PHACTR1: variants seen among roughly 807,000 people sequenced by gnomAD.
PHACTR1 encodes phosphatase and actin regulator 1, also known as RPEL repeat containing 1.
In PHACTR1, 16 loss-of-function variants were observed where a neutral mutation model predicts 69.2. The ratio of observed to expected loss-of-function variants is 0.23; its 90% confidence interval spans 0.16 to 0.35. The LOEUF (loss-of-function observed/expected upper bound fraction) is 0.35. PHACTR1 is among the 10% of genes least tolerant of loss of function. The pLI is 1.00. For synonymous variants in PHACTR1, 312 were observed against 284.5 expected (o/e 1.10, Z -0.97); for missense variants, 510 against 734.7 (o/e 0.69, Z 3.54).
intron 8 of PHACTR1, among the ~76,000 whole-genome samples, chr6:13,209,213 C>G (rs1002531407): frequency 1.3e-5 from 2 of 152,198 alleles, no homozygotes; most frequent in African/African-American, 4.8e-5. Flanking sequence ...ACAGGCCACA[C>G]TTTTCAGTGT....
intron 11 of PHACTR1, chr6:13,278,018 C>T: frequency 3.5e-6 from 1 of 289,674 alleles, no homozygotes; most frequent in Non-Finnish European, 6.7e-6. Flanking sequence ...TGCCTGGAGA[C>T]CTGAAACCCC....
At chr6:13,094,600 G>A (rs1813853160) in intron 5 of PHACTR1, among the ~76,000 whole-genome samples, 1 of 152,092 alleles carries the variant, frequency 6.6e-6, no homozygotes, top group Non-Finnish European at 1.5e-5. Flanking sequence ...CCCAGTGATA[G>A]AGTATCTTTC....
At chr6:12,983,541 T>A (rs1007290674) in intron 4 of PHACTR1, among the ~76,000 whole-genome samples, 1 of 152,090 alleles carries the variant, frequency 6.6e-6, no homozygotes, top group African/African-American at 2.4e-5. Context: ...ATTTATTTAT[T>A]TATTTATTTA....
chr6:12,833,321 C>T (rs1323681081), intron 4 of PHACTR1, among the ~76,000 whole-genome samples: 1 of 151,452 alleles, frequency 6.6e-6, no homozygotes, highest in Non-Finnish European at 1.5e-5. Context: ...TGCAGTGGTG[C>T]GATCTCAGCT....
chr6:12,949,455 T>C (rs941967144), intron 4 of PHACTR1, among the ~76,000 whole-genome samples: 18 of 152,166 alleles, frequency 1.2e-4, no homozygotes, highest in African/African-American at 4.1e-4. Context: ...TAAGTGCTCA[T>C]TGGGAGGGAA....
At chr6:13,248,979 A>G (rs1773969064) in intron 10 of PHACTR1, among the ~76,000 whole-genome samples, 1 of 152,210 alleles carries the variant, frequency 6.6e-6, no homozygotes, top group African/African-American at 2.4e-5. Context: ...ATGATGAAGA[A>G]CGAGAGGAGG....
chr6:12,891,286 A>G (rs1157170251), intron 4 of PHACTR1, among the ~76,000 whole-genome samples: 1 of 152,110 alleles, frequency 6.6e-6, no homozygotes, highest in Non-Finnish European at 1.5e-5. Flanking sequence ...AATTATGTTA[A>G]CATGCTAAAG....
At chr6:13,033,976 C>T (rs539090865) in intron 4 of PHACTR1, among the ~76,000 whole-genome samples, 15 of 152,050 alleles carry the variant, frequency 9.9e-5, no homozygotes, top group Non-Finnish European at 1.9e-4. Flanking sequence ...GAGTGTGTGT[C>T]CCACAATATT....
At chr6:12,927,638 C>T (rs905725107) in intron 4 of PHACTR1, among the ~76,000 whole-genome samples, 8 of 152,156 alleles carry the variant, frequency 5.3e-5, no homozygotes, top group African/African-American at 1.7e-4. Context: ...AATCTGGGCC[C>T]TTAAACACTA....
intron 4 of PHACTR1, among the ~76,000 whole-genome samples, chr6:12,981,260 C>CA (rs921941109): frequency 6.6e-6 from 1 of 151,962 alleles, no homozygotes; most frequent in African/African-American, 2.4e-5. Context: ...AAAAAGTAAT[C>CA]AAAAAAAGGA....
intron 6 of PHACTR1, among the ~76,000 whole-genome samples, chr6:13,167,878 G>GA (rs933219538): frequency 1.3e-5 from 2 of 152,072 alleles, no homozygotes; most frequent in African/African-American, 2.4e-5. Context: ...CATTCAAGAT[G>GA]AAAAAGCCCA....
chr6:13,221,066 T>A (rs1296955994), intron 8 of PHACTR1, among the ~76,000 whole-genome samples: 1 of 152,128 alleles, frequency 6.6e-6, no homozygotes, highest in Non-Finnish European at 1.5e-5. Context: ...CAGAAAAGGA[T>A]GCTCAAATGA....
In PHACTR1 at chr6:13,143,043, A is replaced by G. The variant is rs548346201; in HGVS notation, c.416-17161A>G. Among the ~76,000 whole-genome samples, 4 of 152,310 alleles carry G rather than the reference A, an allele frequency of 2.6e-5. No homozygotes were observed. In the East Asian group the frequency reaches 7.7e-4, roughly 29 times the overall value. On this transcript the variant is annotated intron_variant, in intron 5 of 14. Transcript: ENST00000332995. ...CCCAGCACAGAAAGACACACTTCAC[A>G]TGTTCTCACTTATTTTGGAGAGCTA...
intron 10 of PHACTR1, among the ~76,000 whole-genome samples, chr6:13,255,971 C>T (rs429935): frequency 0.075 from 11,461 of 152,302 alleles, 717 homozygotes; most frequent in Admixed American, 0.22. Flanking sequence ...GGGCTCCAAC[C>T]CCACATTTTC....
chr6:13,281,487 G>A, intron 12 of PHACTR1: 1 of 332,414 alleles, frequency 3.0e-6, no homozygotes, highest in Non-Finnish European at 6.3e-6. Context: ...CCAAGAGGCG[G>A]AGGTTGCAGT....
At chr6:13,019,803 C>A (rs1052107497) in intron 4 of PHACTR1, among the ~76,000 whole-genome samples, 2 of 152,162 alleles carry the variant, frequency 1.3e-5, no homozygotes, top group African/African-American at 4.8e-5. Context: ...GTGAAAGGAT[C>A]AGTACTTGTT....
At chr6:12,764,392 G>A (rs1768372089) in intron 4 of PHACTR1, among the ~76,000 whole-genome samples, 1 of 152,106 alleles carries the variant, frequency 6.6e-6, no homozygotes, top group Non-Finnish European at 1.5e-5. Context: ...TAGTCACAAT[G>A]AATCTTGAGC....
intron 4 of PHACTR1, among the ~76,000 whole-genome samples, chr6:12,775,734 G>A (rs1769981851): frequency 6.6e-6 from 1 of 152,118 alleles, no homozygotes; most frequent in Non-Finnish European, 1.5e-5. Flanking sequence ...CTTGGTATTT[G>A]AGGATCTCAC....
intron 11 of PHACTR1, among the ~76,000 whole-genome samples, chr6:13,277,497 C>T (rs776124410): frequency 1.1e-4 from 16 of 152,134 alleles, no homozygotes; most frequent in Non-Finnish European, 1.5e-5. Context: ...CTTCTGCTCT[C>T]TCTACACCCA....
Sources: allele counts gnomAD v4.1 joint callset (sites outside exome capture counted in the v4.1 genomes callset), GRCh38; gene constraint gnomAD v4.1.1; transcripts MANE v1.5; gene names NCBI Gene and HGNC (gene_info 2026-07-23, HGNC 2026-07-21).